NBEA: variants seen among roughly 807,000 people sequenced by gnomAD.
NBEA encodes neurobeachin, also known as lysosomal-trafficking regulator 2.
Under a neutral mutation model 343.4 loss-of-function variants are expected in NBEA, and 44 were observed. The observed-to-expected ratio is 0.13, with a 90% CI of 0.10 to 0.16. NBEA has a LOEUF of 0.16. Ranked by LOEUF, NBEA falls within the 10% of genes least tolerant of loss-of-function variation. The pLI is 1.00. For synonymous variants in NBEA, 1,175 were observed against 1,238.7 expected (o/e 0.95, Z 1.08); for missense variants, 2,555 against 3,631.3 (o/e 0.70, Z 7.62).
chr13:35,623,197 G>A (rs945196440), intron 48 of NBEA, among the ~76,000 whole-genome samples: 1 of 152,100 alleles, frequency 6.6e-6, no homozygotes, highest in Non-Finnish European at 1.5e-5. Flanking sequence ...TTTTTCCAAT[G>A]TAAGTATTGT....
intron 31 of NBEA, among the ~76,000 whole-genome samples, chr13:35,204,386 G>T (rs1259764711): frequency 6.6e-6 from 1 of 152,092 alleles, no homozygotes; most frequent in African/African-American, 2.4e-5. Flanking sequence ...GGAGTGAAAG[G>T]CGCTTCTTAT....
intron 36 of NBEA, among the ~76,000 whole-genome samples, chr13:35,328,373 CA>C (rs1323831486): frequency 6.6e-6 from 1 of 151,458 alleles, no homozygotes; most frequent in African/African-American, 2.4e-5. Context: ...AAAATAAATA[CA>C]GGGGGAATGG....
At chr13:35,213,161 A>G (rs2073880043) in intron 33 of NBEA, among the ~76,000 whole-genome samples, 2 of 151,998 alleles carry the variant, frequency 1.3e-5, no homozygotes, top group African/African-American at 2.4e-5. Context: ...ATTTTTTGTG[A>G]CTAAAATGAG....
intron 33 of NBEA, among the ~76,000 whole-genome samples, chr13:35,229,031 T>C (rs1249141267): frequency 6.6e-6 from 1 of 152,130 alleles, no homozygotes; most frequent in Non-Finnish European, 1.5e-5. Context: ...ATAGTTTTTG[T>C]TTTTGTTTTC....
At chr13:35,129,933 AGC>A (rs2067326486) in intron 17 of NBEA, among the ~76,000 whole-genome samples, 1 of 152,164 alleles carries the variant, frequency 6.6e-6, no homozygotes, top group African/African-American at 2.4e-5. Flanking sequence ...GTGAATAAAC[AGC>A]AAAGTGCAGT....
chr13:35,469,815 C>G (rs1043582632), intron 40 of NBEA, among the ~76,000 whole-genome samples: 17 of 152,266 alleles, frequency 1.1e-4, no homozygotes, highest in South Asian at 4.1e-4. Context: ...AGATGCTATT[C>G]TTTGTAAACT....
chr13:35,244,807 T>C (rs1303361664), intron 34 of NBEA, among the ~76,000 whole-genome samples: 1 of 152,130 alleles, frequency 6.6e-6, no homozygotes, highest in Non-Finnish European at 1.5e-5. Context: ...CAGTGTTTTG[T>C]AGTTTTTCTT....
chr13:35,652,758 G>A (rs1311447207), intron 53 of NBEA, among the ~76,000 whole-genome samples: 7 of 124,498 alleles, frequency 5.6e-5, no homozygotes, highest in Non-Finnish European at 9.7e-5. Flanking sequence ...ACAGTGGCGC[G>A]ATCTCGGCTC....
chr13:35,498,369 C>T (rs139362908), intron 41 of NBEA, among the ~76,000 whole-genome samples: 3 of 151,986 alleles, frequency 2.0e-5, no homozygotes, highest in Admixed American at 2.0e-4. Context: ...CTTTGTAGTA[C>T]CTAGGACAAG....
At chr13:35,442,194 T>C (rs2045776451) in intron 39 of NBEA, among the ~76,000 whole-genome samples, 1 of 152,152 alleles carries the variant, frequency 6.6e-6, no homozygotes, top group Admixed American at 6.6e-5. Context: ...TCTTTTTCTG[T>C]GTGTATTTTA....
chr13:35,491,589 C>A (rs1236126282), intron 41 of NBEA, among the ~76,000 whole-genome samples: 1 of 151,844 alleles, frequency 6.6e-6, no homozygotes, highest in Non-Finnish European at 1.5e-5. Context: ...GTCAACAAAT[C>A]CTCCAGACTC....
intron 38 of NBEA, among the ~76,000 whole-genome samples, chr13:35,381,643 A>C (rs1477990507): frequency 6.6e-6 from 1 of 152,086 alleles, no homozygotes; most frequent in African/African-American, 2.4e-5. Flanking sequence ...TCCAAATTCA[A>C]TCAAGGAGGA....
intron 49 of NBEA, among the ~76,000 whole-genome samples, chr13:35,640,949 A>G (rs185986001): frequency 6.6e-6 from 1 of 152,148 alleles, no homozygotes; most frequent in East Asian, 1.9e-4. Flanking sequence ...AGAAAAATAA[A>G]TGCTAAGTGC....
chr13:35,102,963 C>A (rs1006089215), intron 11 of NBEA, among the ~76,000 whole-genome samples: 6 of 151,560 alleles, frequency 4.0e-5, no homozygotes, highest in African/African-American at 1.2e-4. Context: ...ATCTCATGGG[C>A]AATGCTTTTA....
At chr13:34,946,045 T>G (rs181115448) in intron 1 of NBEA, among the ~76,000 whole-genome samples, 5 of 152,314 alleles carry the variant, frequency 3.3e-5, no homozygotes, top group African/African-American at 1.2e-4. Flanking sequence ...ATGTATGTAT[T>G]TTGTATAATG....
intron 34 of NBEA, among the ~76,000 whole-genome samples, chr13:35,283,901 A>G (rs539986238): frequency 2.6e-4 from 39 of 152,222 alleles, no homozygotes; most frequent in African/African-American, 8.7e-4. Flanking sequence ...TTTAATATCT[A>G]TAGATGTGTA....
In NBEA at chr13:35,652,340, T is replaced by A. The variant is rs1306741985; in HGVS notation, c.8035+464T>A. 4.9e-3 allele frequency among the ~76,000 whole-genome samples: 678 copies of A among 137,592 alleles called. 12 individuals are homozygous for A. The highest frequency in any genetic ancestry group is 0.018 in the African/African-American group (648 of 36,686). The allele number at this position is 137,592 out of a possible 152,430, so 90.3% of individuals were successfully genotyped here. ...GCACATGTACCCCAGAACTTAAATTTAAAAAAAAAAAAAAAAAGGGCCGGG... is the reference window on the plus strand; with the variant it reads ...GCACATGTACCCCAGAACTTAAATTAAAAAAAAAAAAAAAAAAGGGCCGGG... On this transcript the variant is annotated intron_variant, in intron 53 of 58. Coordinates refer to ENST00000379939, the MANE Select transcript of NBEA (RefSeq NM_001385012.1).
intron 1 of NBEA, among the ~76,000 whole-genome samples, chr13:35,015,012 TC>T (rs2061602317): frequency 6.6e-6 from 1 of 150,700 alleles, no homozygotes; most frequent in Non-Finnish European, 1.5e-5. Context: ...CAGGGCCGCA[TC>T]ATCACCTCCT....
chr13:35,297,173 G>A (rs771946641), intron 35 of NBEA, among the ~76,000 whole-genome samples: 3 of 151,736 alleles, frequency 2.0e-5, no homozygotes, highest in Non-Finnish European at 2.9e-5. Flanking sequence ...TTTATTCCAA[G>A]TATTAATGAA....
Sources: gnomAD v4.1 joint callset for allele counts (sites outside exome capture counted in the v4.1 genomes callset) on GRCh38, gnomAD v4.1.1 for gene constraint, MANE v1.5 for transcripts, NCBI Gene and HGNC (gene_info 2026-07-23, HGNC 2026-07-21) for gene names.